The following GRID2 variants were observed in gnomAD, a reference collection of about 807,000 sequenced individuals.
GRID2 encodes glutamate ionotropic receptor delta type subunit 2, also known as glutamate receptor ionotropic, delta-2.
GRID2 carries 33 observed loss-of-function variants against 114.8 expected under a neutral mutation model. That is an observed-to-expected ratio of 0.29 (90% CI 0.22 to 0.38). The LOEUF is 0.38. Among genes scored for constraint, GRID2 ranks in the 10% least tolerant of loss-of-function variants. The pLI is 1.00. For synonymous variants in GRID2, 505 were observed against 449.9 expected (o/e 1.12, Z -1.55); for missense variants, 1,184 against 1,257.7 (o/e 0.94, Z 0.89).
At chr4:92,329,416 C>A (rs761211047) in intron 1 of GRID2, among the ~76,000 whole-genome samples, 5 of 151,982 alleles carry the variant, frequency 3.3e-5, no homozygotes, top group Non-Finnish European at 4.4e-5. Context: ...TCAATTCAAT[C>A]ATATTGATGT....
intron 4 of GRID2, among the ~76,000 whole-genome samples, chr4:93,124,405 A>G (rs931988923): frequency 6.6e-6 from 1 of 152,228 alleles, no homozygotes; most frequent in African/African-American, 2.4e-5. Context: ...AGCAATTTAT[A>G]TGCTGATTTC....
At position 93,189,443 on chromosome 4, in the gene GRID2, T is replaced by C. The variant is rs956755966; in HGVS notation, c.736-17961T>C. On this transcript the variant is annotated intron_variant, in intron 4 of 15. Coordinates refer to ENST00000282020, the MANE Select transcript of GRID2 (RefSeq NM_001510.4). Reference sequence around the variant, plus strand: ...CCTACTCATGACGGTTATGCTCACATGACCTAATCACTTCCCAAAGGGCCC... The same window carrying C: ...CCTACTCATGACGGTTATGCTCACACGACCTAATCACTTCCCAAAGGGCCC... Among the ~76,000 whole-genome samples the C allele has an allele frequency of 2.0e-5, 3 of 152,120 alleles. No individual in the cohort carries two copies. The East Asian group carries it at 5.8e-4, about 29-fold the overall frequency.
chr4:93,515,220 C>T lies in GRID2; in HGVS notation c.2002C>T (p.Leu668Phe). Residue 668 changes from leucine (L) to phenylalanine (F), a missense_variant, in exon 13 of 16, where the codon CTC becomes TTC. By Grantham distance (22) the Leu-to-Phe change is conservative. Transcript: ENST00000282020. ...TCTTCTCTCCCAATAATCAAGGTCTCTCCAGGACCTTTCCAAGCAAACAGA... is the reference window on the plus strand; with the variant it reads ...TCTTCTCTCCCAATAATCAAGGTCTTTCCAGGACCTTTCCAAGCAAACAGA... ...ITRIESSIQS[L>F]QDLSKQTEIP... 1.3e-6 allele frequency: 2 copies of T among 1,560,282 alleles called. No individual in the cohort carries two copies. Among genetic ancestry groups the T allele is most frequent in the Non-Finnish European group, 1.8e-6 (2 of 1,138,706 alleles).
intron 8 of GRID2, among the ~76,000 whole-genome samples, chr4:93,327,403 A>G (rs1295990546): frequency 6.6e-6 from 1 of 152,162 alleles, no homozygotes; most frequent in East Asian, 1.9e-4. Context: ...ACAAAACCCT[A>G]AAAATTATCT....
At chr4:93,071,291 T>G (rs1229139586) in intron 2 of GRID2, among the ~76,000 whole-genome samples, 1 of 152,232 alleles carries the variant, frequency 6.6e-6, no homozygotes, top group African/African-American at 2.4e-5. Flanking sequence ...GCCCTAATGA[T>G]TAGACCACAC....
intron 2 of GRID2, among the ~76,000 whole-genome samples, chr4:92,930,163 A>G (rs541293823): frequency 1.6e-3 from 238 of 151,442 alleles, no homozygotes; most frequent in African/African-American, 5.6e-3. Flanking sequence ...CATAGACAGG[A>G]AGGACAAAGG....
intron 8 of GRID2, among the ~76,000 whole-genome samples, chr4:93,278,838 G>C (rs1422300790): frequency 6.6e-6 from 1 of 151,754 alleles, no homozygotes; most frequent in Non-Finnish European, 1.5e-5. Context: ...AACTGTGTAG[G>C]AGTTTCTTTG....
rs1737528456 is a variant in GRID2, at chr4:93,159,899, A to T, written c.736-47505A>T. Among the ~76,000 whole-genome samples the T allele has an allele frequency of 3.3e-5, 5 of 151,732 alleles. No homozygotes were observed. The Admixed American group carries it at 3.3e-4, about 10-fold the overall frequency. ...TCCATTATTTAAAAAATACTAGTGAATTTCTGTAGCTATTTTATTTTTGAA... is the reference window on the plus strand; with the variant it reads ...TCCATTATTTAAAAAATACTAGTGATTTTCTGTAGCTATTTTATTTTTGAA... On this transcript the variant is annotated intron_variant, in intron 4 of 15. Coordinates refer to ENST00000282020, the MANE Select transcript of GRID2 (RefSeq NM_001510.4).
intron 2 of GRID2, among the ~76,000 whole-genome samples, chr4:92,897,667 G>A (rs1029611878): frequency 1.3e-5 from 2 of 152,156 alleles, no homozygotes; most frequent in Non-Finnish European, 2.9e-5. Context: ...AGTCATTCAA[G>A]TGTGTAACTA....
intron 1 of GRID2, among the ~76,000 whole-genome samples, chr4:92,452,918 T>C (rs1721011377): frequency 7.0e-6 from 1 of 141,872 alleles, no homozygotes; most frequent in South Asian, 2.4e-4. Flanking sequence ...TGTTTCTATA[T>C]ATGATACATA....
rs111850973 is a variant in GRID2, at chr4:93,621,171, G to A, written c.2194-5098G>A. 3.2e-3 allele frequency among the ~76,000 whole-genome samples: 487 copies of A among 152,148 alleles called. 2 individuals are homozygous for A. Among genetic ancestry groups the A allele is most frequent in the African/African-American group, 0.011 (449 of 41,508 alleles). Reference sequence around the variant, plus strand: ...ACTGTTAAAGAAAAATATAGAAATGGGAACAAAACCTAGCTCCTAGTGTTA... The same window carrying A: ...ACTGTTAAAGAAAAATATAGAAATGAGAACAAAACCTAGCTCCTAGTGTTA... On this transcript the variant is annotated intron_variant, in intron 13 of 15. Transcript: ENST00000282020.
intron 2 of GRID2, among the ~76,000 whole-genome samples, chr4:92,599,961 A>G (rs1262532923): frequency 6.7e-6 from 1 of 149,066 alleles, no homozygotes; most frequent in African/African-American, 2.5e-5. Context: ...GGAGGTGGAC[A>G]TTGCAACGAG....
At chr4:92,571,235 G>T (rs1008921569) in intron 1 of GRID2, among the ~76,000 whole-genome samples, 4 of 151,918 alleles carry the variant, frequency 2.6e-5, no homozygotes, top group Non-Finnish European at 5.9e-5. Context: ...CTCTCTTTAT[G>T]TGATGAATCA....
At chr4:92,458,544 TTC>T (rs1333087988) in intron 1 of GRID2, among the ~76,000 whole-genome samples, 1 of 152,194 alleles carries the variant, frequency 6.6e-6, no homozygotes, top group Non-Finnish European at 1.5e-5. Flanking sequence ...TTGTTTTGTA[TTC>T]TGTTTCATTT....
intron 7 of GRID2, among the ~76,000 whole-genome samples, chr4:93,237,412 CATA>C (rs1746924093): frequency 6.6e-6 from 1 of 151,876 alleles, no homozygotes; most frequent in South Asian, 2.1e-4. Context: ...AAGCAAATAG[CATA>C]ATATTACTAC....
Position 93,447,761 on chromosome 4 carries a change from A to G in GRID2, c.1546-7901A>G, listed in dbSNP as rs1368502612. Among the ~76,000 whole-genome samples the G allele has an allele frequency of 2.6e-5, 4 of 151,946 alleles. No individual in the cohort carries two copies. In the East Asian group the frequency reaches 7.7e-4, roughly 29 times the overall value. On this transcript the variant is annotated intron_variant, in intron 10 of 15. Coordinates refer to ENST00000282020, the MANE Select transcript of GRID2 (RefSeq NM_001510.4). ...TTAAGACATTTCATAAAAGTTACCCAATTAATTCTGAAGAGCTAGAGTAAT... is the reference window on the plus strand; with the variant it reads ...TTAAGACATTTCATAAAAGTTACCCGATTAATTCTGAAGAGCTAGAGTAAT...
At position 93,117,619 on chromosome 4, in the gene GRID2, T is replaced by C. The variant is rs186918903; in HGVS notation, c.735+6666T>C. Among the ~76,000 whole-genome samples, 555 of 152,236 alleles carry C rather than the reference T, an allele frequency of 3.6e-3. 2 individuals are homozygous for C. The highest frequency in any genetic ancestry group is 6.6e-3 in the Non-Finnish European group (452 of 67,996). ...TTAGCTCCTCTATGACAAGCAAGTG[T>C]TCTTTTCTCTATCTATTTATTTAGT... On this transcript the variant is annotated intron_variant, in intron 4 of 15. Transcript: ENST00000282020.
intron 1 of GRID2, among the ~76,000 whole-genome samples, chr4:92,537,666 T>G (rs541998120): frequency 6.6e-6 from 1 of 152,168 alleles, no homozygotes; most frequent in Non-Finnish European, 1.5e-5. Flanking sequence ...CAATTCTAAA[T>G]AGTACTTGTC....
At chr4:92,512,557 A>G (rs866150014) in intron 1 of GRID2, among the ~76,000 whole-genome samples, 2 of 151,914 alleles carry the variant, frequency 1.3e-5, no homozygotes, top group African/African-American at 4.8e-5. Context: ...TTAAATGACA[A>G]TGAGCCTTTA....
Sources: allele counts gnomAD v4.1 joint callset (sites outside exome capture counted in the v4.1 genomes callset), GRCh38; gene constraint gnomAD v4.1.1; transcripts MANE v1.5; gene names NCBI Gene and HGNC (gene_info 2026-07-23, HGNC 2026-07-21).